The following ZNF423 variants were observed in gnomAD, a reference collection of about 807,000 sequenced individuals.
ZNF423 encodes the protein Ebf-associated zinc finger protein.
ZNF423 carries 12 observed loss-of-function variants against 95.8 expected under a neutral mutation model. That is an observed-to-expected ratio of 0.13 (90% CI 0.08 to 0.20). The LOEUF (loss-of-function observed/expected upper bound fraction) is 0.20. ZNF423 is among the 10% of genes least tolerant of loss of function. The pLI, the probability that ZNF423 is intolerant of heterozygous loss-of-function variation, is 1.00. For missense variants in ZNF423, 1,316 were observed against 1,737.1 expected (o/e 0.76, Z 4.31); for synonymous variants, 749 against 711.9 (o/e 1.05, Z -0.83).
At position 49,654,317 on chromosome 16, in the gene ZNF423, G is replaced by A. The variant is rs552620444; in HGVS notation, c.302-15443C>T. Among the ~76,000 whole-genome samples the A allele has an allele frequency of 1.3e-3, 202 of 152,366 alleles. 1 individual carries two copies. The highest frequency in any genetic ancestry group is 4.5e-3 in the African/African-American group (187 of 41,588). On this transcript the variant is annotated intron_variant, in intron 3 of 7. Coordinates refer to ENST00000563137, the MANE Select transcript of ZNF423 (RefSeq NM_001379286.1). ...CCTCCCCAAGCATCTCACAGGTGGT[G>A]GTGGGAAGGGTGGTCTCCTGCATGG...
At chr16:49,632,341 C>CTTACA (rs559558631) in intron 4 of ZNF423, among the ~76,000 whole-genome samples, 71 of 152,268 alleles carry the variant, frequency 4.7e-4, no homozygotes, top group African/African-American at 1.6e-3. Context: ...AGAGTCTGTT[C>CTTACA]TTACATGAGT....
At chr16:49,745,408 T>A (rs940408297) in intron 2 of ZNF423, among the ~76,000 whole-genome samples, 2 of 152,184 alleles carry the variant, frequency 1.3e-5, no homozygotes, top group African/African-American at 2.4e-5. Context: ...GCAGCAGACA[T>A]CCTCTGAAAG....
rs552421632 is a variant in ZNF423, at chr16:49,590,050, A to ATG, written c.3601+36119_3601+36120insCA. Among the ~76,000 whole-genome samples the ATG allele has an allele frequency of 2.2e-4, 26 of 117,602 alleles. 4 individuals are homozygous for ATG. Among genetic ancestry groups the ATG allele is most frequent in the Middle Eastern group, 0.011 (2 of 186 alleles). The allele number at this position is 117,602 out of a possible 152,430, so 77.2% of individuals were successfully genotyped here. On this transcript the variant is annotated intron_variant, in intron 5 of 7. Coordinates refer to ENST00000563137, the MANE Select transcript of ZNF423 (RefSeq NM_001379286.1). ...GGCGAATATATATATATATATATAT[A>ATG]TTTGGTCCATACAGACGTGACCAGA...
At chr16:49,553,355 T>C (rs556597248) in intron 5 of ZNF423, among the ~76,000 whole-genome samples, 2 of 152,216 alleles carry the variant, frequency 1.3e-5, no homozygotes, top group African/African-American at 4.8e-5. Flanking sequence ...TATTTTATTT[T>C]TTTGAGACAG....
At chr16:49,690,188 AT>A (rs1009189625) in intron 3 of ZNF423, among the ~76,000 whole-genome samples, 1 of 152,210 alleles carries the variant, frequency 6.6e-6, no homozygotes, top group African/African-American at 2.4e-5. Flanking sequence ...CAGTGGCCCC[AT>A]TTCACAGAGG....
At chr16:49,547,867 C>T (rs1457310978) in intron 5 of ZNF423, among the ~76,000 whole-genome samples, 2 of 152,176 alleles carry the variant, frequency 1.3e-5, no homozygotes, top group African/African-American at 2.4e-5. Flanking sequence ...TTTTTCACCC[C>T]ACACAGAATT....
intron 7 of ZNF423, among the ~76,000 whole-genome samples, chr16:49,522,316 G>A (rs1275322067): frequency 5.3e-5 from 8 of 152,190 alleles, no homozygotes; most frequent in African/African-American, 1.7e-4. Context: ...AGAAGGTGGC[G>A]TGCATCATTT....
chr16:49,532,287 C>T (rs1276245046), intron 5 of ZNF423, among the ~76,000 whole-genome samples: 1 of 152,184 alleles, frequency 6.6e-6, no homozygotes, highest in African/African-American at 2.4e-5. Context: ...CGGCTGTCCC[C>T]GACCCCCAGT....
chr16:49,803,488 AT>A (rs1322069407), intron 1 of ZNF423, among the ~76,000 whole-genome samples: 1 of 152,036 alleles, frequency 6.6e-6, no homozygotes. Context: ...GAGTGTACCC[AT>A]TTTTAGGCTT....
intron 5 of ZNF423, among the ~76,000 whole-genome samples, chr16:49,616,817 G>T (rs998844552): frequency 1.6e-4 from 24 of 152,120 alleles, no homozygotes; most frequent in African/African-American, 5.8e-4. Context: ...CTGACATCTG[G>T]TATATAGGCT....
chr16:49,807,915 A>G (rs552415267), intron 1 of ZNF423, among the ~76,000 whole-genome samples: 1 of 152,310 alleles, frequency 6.6e-6, no homozygotes, highest in African/African-American at 2.4e-5. Context: ...TGCCAGGAGG[A>G]CACACCTCTG....
At chr16:49,641,170 G>A (rs916135822) in intron 3 of ZNF423, among the ~76,000 whole-genome samples, 2 of 152,218 alleles carry the variant, frequency 1.3e-5, no homozygotes, top group Non-Finnish European at 2.9e-5. Flanking sequence ...GACAGACGAG[G>A]AAACTGAGGC....
intron 7 of ZNF423, among the ~76,000 whole-genome samples, chr16:49,516,682 G>A (rs562144371): frequency 4.9e-4 from 74 of 152,290 alleles, no homozygotes; most frequent in Middle Eastern, 3.4e-3. Context: ...CAGTTTTCCC[G>A]CATACTGCAA....
At chr16:49,794,697 C>G (rs191226677) in intron 1 of ZNF423, among the ~76,000 whole-genome samples, 131 of 152,328 alleles carry the variant, frequency 8.6e-4, no homozygotes, top group Non-Finnish European at 2.6e-4. Context: ...CCTGACCTTG[C>G]AGGGCAGCTT....
chr16:49,753,320 G>A (rs1042935885), intron 2 of ZNF423, among the ~76,000 whole-genome samples: 3 of 152,022 alleles, frequency 2.0e-5, no homozygotes, highest in Non-Finnish European at 2.9e-5. Flanking sequence ...GGTGATAGGA[G>A]GCTAGGCGCG....
At chr16:49,822,027 C>G (rs1484115440) in intron 1 of ZNF423, among the ~76,000 whole-genome samples, 1 of 152,050 alleles carries the variant, frequency 6.6e-6, no homozygotes, top group Non-Finnish European at 1.5e-5. Context: ...CTGGGAAAGC[C>G]GAAGATGAGT....
At chr16:49,665,216 A>G (rs985222733) in intron 3 of ZNF423, among the ~76,000 whole-genome samples, 1 of 152,238 alleles carries the variant, frequency 6.6e-6, no homozygotes, top group African/African-American at 2.4e-5. Flanking sequence ...CATTCAGTAA[A>G]TATAGATGTC....
At chr16:49,616,500 G>C (rs1337016009) in intron 5 of ZNF423, among the ~76,000 whole-genome samples, 1 of 152,110 alleles carries the variant, frequency 6.6e-6, no homozygotes. Context: ...GTAGCACAAA[G>C]AAAGAATAAA....
intron 2 of ZNF423, chr16:49,764,387 A>T (rs2033888452): frequency 6.5e-6 from 1 of 154,132 alleles, no homozygotes; most frequent in African/African-American, 2.4e-5. Flanking sequence ...ATTCAGCCTT[A>T]AAAAAGAAGG....
Sources: gnomAD v4.1 joint callset for allele counts (sites outside exome capture counted in the v4.1 genomes callset) on GRCh38, gnomAD v4.1.1 for gene constraint, MANE v1.5 for transcripts, NCBI Gene and HGNC (gene_info 2026-07-23, HGNC 2026-07-21) for gene names.